The following LPP variants were observed in gnomAD, a reference collection of about 807,000 sequenced individuals.
LPP encodes LIM domain containing preferred translocation partner in lipoma.
LPP carries 38 observed loss-of-function variants against 60.4 expected under a neutral mutation model. The ratio of observed to expected loss-of-function variants is 0.63; its 90% confidence interval spans 0.49 to 0.83. LPP has a LOEUF of 0.83. Ranked by LOEUF, LPP falls within the 40% of genes least tolerant of loss-of-function variation. The probability of loss-of-function intolerance (pLI) is 0.00; values close to 1 mark genes in which losing one functional copy is unlikely to be tolerated. For synonymous variants in LPP, 328 were observed against 290.8 expected, an observed-to-expected ratio of 1.13 and a Z score of -1.30; for missense variants, 902 against 783.6, an observed-to-expected ratio of 1.15 and a Z score of -1.80.
At chr3:188,346,813 AGTGG>A (rs1764525533) in intron 3 of LPP, among the ~76,000 whole-genome samples, 1 of 152,164 alleles carries the variant, frequency 6.6e-6, no homozygotes, top group South Asian at 2.1e-4. Context: ...ATGACATTTG[AGTGG>A]CATACATTTC....
intron 9 of LPP, among the ~76,000 whole-genome samples, chr3:188,809,416 G>A (rs929964545): frequency 1.3e-5 from 2 of 151,992 alleles, no homozygotes; most frequent in African/African-American, 4.8e-5. Context: ...ATTTTGATTT[G>A]CATTTATCTA....
At chr3:188,409,209 G>T (rs1784354515) in intron 4 of LPP, among the ~76,000 whole-genome samples, 1 of 151,970 alleles carries the variant, frequency 6.6e-6, no homozygotes, top group African/African-American at 2.4e-5. Context: ...TGAAATTTTG[G>T]CTCTCTCTTG....
chr3:188,290,016 T>A (rs1348253379), intron 2 of LPP, among the ~76,000 whole-genome samples: 1 of 151,152 alleles, frequency 6.6e-6, no homozygotes, highest in Non-Finnish European at 1.5e-5. Flanking sequence ...TGAGACGGAG[T>A]CTTACCCTAT....
At chr3:188,744,389 C>A (rs1045394459) in intron 8 of LPP, among the ~76,000 whole-genome samples, 11 of 152,128 alleles carry the variant, frequency 7.2e-5, no homozygotes, top group African/African-American at 2.4e-4. Flanking sequence ...TATTTTGAAA[C>A]AACCTTTGAA....
chr3:188,732,222 G>A (rs1188594757), intron 8 of LPP, among the ~76,000 whole-genome samples: 1 of 152,140 alleles, frequency 6.6e-6, no homozygotes, highest in Non-Finnish European at 1.5e-5. Flanking sequence ...GAACAATTAT[G>A]GTTCCCCCAT....
chr3:188,289,361 G>T (rs1745169082), intron 2 of LPP, among the ~76,000 whole-genome samples: 1 of 152,090 alleles, frequency 6.6e-6, no homozygotes, highest in Non-Finnish European at 1.5e-5. Flanking sequence ...TCTAGAACAG[G>T]AACTCTAGTA....
chr3:188,624,562 G>C (rs1846402806), intron 7 of LPP, among the ~76,000 whole-genome samples: 1 of 152,178 alleles, frequency 6.6e-6, no homozygotes, highest in Non-Finnish European at 1.5e-5. Flanking sequence ...AACCATGGAA[G>C]TGCGAACCTG....
chr3:188,554,535 G>A (rs997281394), intron 6 of LPP, among the ~76,000 whole-genome samples: 21 of 152,192 alleles, frequency 1.4e-4, no homozygotes, highest in Non-Finnish European at 3.1e-4. Context: ...GTTTGCAGCA[G>A]ATCAGTGGCT....
chr3:188,446,651 TTC>T (rs1795301908), intron 4 of LPP, among the ~76,000 whole-genome samples: 2 of 152,238 alleles, frequency 1.3e-5, no homozygotes, highest in African/African-American at 4.8e-5. Flanking sequence ...GCTTGTCAGC[TTC>T]TCTTTGTGGC....
intron 2 of LPP, chr3:188,240,227 C>G (rs545864398): frequency 1.7e-5 from 3 of 176,660 alleles, no homozygotes; most frequent in Middle Eastern, 2.2e-3. Context: ...ATTTAAAAAT[C>G]CTTTTGGTAT....
chr3:188,726,163 A>C (rs955204301), intron 8 of LPP, among the ~76,000 whole-genome samples: 1 of 152,130 alleles, frequency 6.6e-6, no homozygotes, highest in Non-Finnish European at 1.5e-5. Flanking sequence ...GAGGTGTTCA[A>C]TGGGACAAGA....
At chr3:188,191,997 G>C (rs1342589231) in intron 1 of LPP, among the ~76,000 whole-genome samples, 1 of 152,074 alleles carries the variant, frequency 6.6e-6, no homozygotes, top group African/African-American at 2.4e-5. Flanking sequence ...GGGAAAATTG[G>C]GATGGTGTTA....
chr3:188,633,309 A>G (rs1245656746), intron 7 of LPP, among the ~76,000 whole-genome samples: 2 of 152,198 alleles, frequency 1.3e-5, no homozygotes, highest in South Asian at 2.1e-4. Flanking sequence ...TACACAGACC[A>G]TGTAAATGCT....
At chr3:188,826,341 G>A (rs572812638) in intron 9 of LPP, among the ~76,000 whole-genome samples, 12 of 152,256 alleles carry the variant, frequency 7.9e-5, no homozygotes, top group African/African-American at 2.6e-4. Flanking sequence ...TCCTCGTGTC[G>A]ATTCTTGCCC....
chr3:188,722,717 A>G (rs188505710), intron 8 of LPP, among the ~76,000 whole-genome samples: 7 of 152,328 alleles, frequency 4.6e-5, no homozygotes, highest in African/African-American at 1.2e-4. Context: ...AATTTCAGGT[A>G]TTTCACTTAT....
chr3:188,496,080 G>C (rs115007152), intron 5 of LPP, among the ~76,000 whole-genome samples: 2,399 of 152,100 alleles, frequency 0.016, 57 homozygotes, highest in African/African-American at 0.054. Flanking sequence ...TAACTTCTGT[G>C]AGTTTGACTT....
intron 4 of LPP, among the ~76,000 whole-genome samples, chr3:188,479,870 T>A (rs768473074): frequency 4.6e-5 from 7 of 152,202 alleles, no homozygotes; most frequent in Non-Finnish European, 1.0e-4. Flanking sequence ...CAGAGTTGAA[T>A]TGTTCCCATG....
intron 9 of LPP, among the ~76,000 whole-genome samples, chr3:188,765,675 A>G (rs762905373): frequency 8.6e-5 from 13 of 151,858 alleles, no homozygotes; most frequent in Non-Finnish European, 1.9e-4. Flanking sequence ...TGCTTGGCCC[A>G]TACTAACATC....
At chr3:188,698,973 T>C (rs957343118) in intron 7 of LPP, among the ~76,000 whole-genome samples, 18 of 152,186 alleles carry the variant, frequency 1.2e-4, no homozygotes, top group Non-Finnish European at 2.6e-4. Flanking sequence ...ACTGGAGAGA[T>C]CTCATTCTGC....
Sources: allele counts gnomAD v4.1 joint callset (sites outside exome capture counted in the v4.1 genomes callset), GRCh38; gene constraint gnomAD v4.1.1; transcripts MANE v1.5; gene names NCBI Gene and HGNC (gene_info 2026-07-23, HGNC 2026-07-21).